Variants in PTPRT observed in about 807,000 individuals in gnomAD.
The protein encoded by PTPRT is receptor-type tyrosine-protein phosphatase T.
A neutral mutation model predicts 176.8 loss-of-function variants in PTPRT; 56 were observed. The ratio of observed to expected loss-of-function variants is 0.32; its 90% CI spans 0.26 to 0.40. The LOEUF (loss-of-function observed/expected upper bound fraction) is 0.40. PTPRT is among the 10% of genes least tolerant of loss of function. PTPRT has a pLI of 1.00. For missense variants in PTPRT, 1,540 were observed against 1,908.2 expected (o/e 0.81, Z 3.60); for synonymous variants, 783 against 739.0 (o/e 1.06, Z -0.96).
At chr20:42,939,737 A>G (rs1980425945) in intron 1 of PTPRT, among the ~76,000 whole-genome samples, 1 of 152,200 alleles carries the variant, frequency 6.6e-6, no homozygotes, top group Non-Finnish European at 1.5e-5. Flanking sequence ...GACACTAAAA[A>G]ATGAGTGAAT....
chr20:42,475,473 G>A (rs531351015), intron 7 of PTPRT, among the ~76,000 whole-genome samples: 2 of 152,334 alleles, frequency 1.3e-5, no homozygotes, highest in East Asian at 3.9e-4. Context: ...GAGAGGCACA[G>A]CCAAGATATG....
chr20:42,506,017 ACTTTCAGG>A (rs1214947992), intron 7 of PTPRT, among the ~76,000 whole-genome samples: 1 of 152,140 alleles, frequency 6.6e-6, no homozygotes, highest in Admixed American at 6.6e-5. Flanking sequence ...CAATAAAGTC[ACTTTCAGG>A]CAGAAAGATG....
At position 42,539,044 on chromosome 20, in the gene PTPRT, G is replaced by A. The variant is rs376934130; in HGVS notation, c.1154-66482C>T. On this transcript the variant is annotated intron_variant, in intron 7 of 30. Coordinates refer to ENST00000373187, the MANE Select transcript of PTPRT (RefSeq NM_007050.6). Reference sequence around the variant, plus strand: ...ATTTCACTAGCACTGTTGGACCACCGTGTGTACACCTACCAGTCTCTTCCA... The same window carrying A: ...ATTTCACTAGCACTGTTGGACCACCATGTGTACACCTACCAGTCTCTTCCA... Among the ~76,000 whole-genome samples the A allele has an allele frequency of 3.4e-3, 523 of 152,200 alleles. 19 individuals are homozygous for A. In the South Asian group the frequency reaches 0.095, roughly 28 times the overall value.
At chr20:42,462,755 G>A (rs775316526) in intron 8 of PTPRT, among the ~76,000 whole-genome samples, 1 of 152,126 alleles carries the variant, frequency 6.6e-6, no homozygotes, top group Non-Finnish European at 1.5e-5. Context: ...GAAATAAAAA[G>A]CTCTCTATGA....
chr20:42,477,673 C>T (rs557116419), intron 7 of PTPRT, among the ~76,000 whole-genome samples: 1 of 152,302 alleles, frequency 6.6e-6, no homozygotes, highest in South Asian at 2.1e-4. Context: ...AGCCTAGAGC[C>T]TATGGTTTCT....
chr20:42,229,103 T>A (rs1022858938), intron 15 of PTPRT, among the ~76,000 whole-genome samples: 1 of 152,144 alleles, frequency 6.6e-6, no homozygotes, highest in Non-Finnish European at 1.5e-5. Context: ...GGGATAAACA[T>A]TATGAAAGGG....
intron 6 of PTPRT, chr20:42,686,059 TG>T: frequency 6.6e-6 from 1 of 152,324 alleles, no homozygotes; most frequent in South Asian, 2.1e-4. Flanking sequence ...AGACCTCCAC[TG>T]TGAGTTTTGA....
chr20:42,554,805 T>C (rs2072831721), intron 7 of PTPRT, among the ~76,000 whole-genome samples: 1 of 152,132 alleles, frequency 6.6e-6, no homozygotes, highest in African/African-American at 2.4e-5. Context: ...AAATTAAAGA[T>C]ATATTGAATG....
rs550898722 is a variant in PTPRT, at chr20:42,487,206, G to A, written c.1154-14644C>T. 1.1e-4 allele frequency among the ~76,000 whole-genome samples: 16 copies of A among 152,320 alleles called. No homozygotes were observed. In the South Asian group the frequency reaches 3.3e-3, roughly 32 times the overall value. The stretch of plus-strand genomic sequence containing the variant: ...TATTATGGAATGTGTCTCTTGGAGA[G>A]AAGGGCAGAAGTCTAATAGAGAGAT... On this transcript the variant is annotated intron_variant, in intron 7 of 30. Transcript: ENST00000373187.
At chr20:42,786,152 G>C (rs941282913) in intron 3 of PTPRT, among the ~76,000 whole-genome samples, 1 of 152,128 alleles carries the variant, frequency 6.6e-6, no homozygotes, top group Admixed American at 6.5e-5. Context: ...TAAGTTTCCT[G>C]AGGCCTCCCC....
chr20:42,037,594 T>C, the PTPRT span, among the ~76,000 whole-genome samples: 3 of 152,146 alleles, frequency 2.0e-5, no homozygotes, highest in Admixed American at 6.5e-5. Context: ...ATTTCAGTAA[T>C]GACAGTCGTT....
intron 7 of PTPRT, among the ~76,000 whole-genome samples, chr20:42,552,547 C>A (rs540192438): frequency 6.6e-6 from 1 of 151,944 alleles, no homozygotes; most frequent in African/African-American, 2.4e-5. Context: ...ATTTTTTGCA[C>A]GAAAATGTTT....
intron 7 of PTPRT, among the ~76,000 whole-genome samples, chr20:42,591,339 C>T (rs6016838): frequency 1.3e-5 from 2 of 152,080 alleles, no homozygotes; most frequent in Non-Finnish European, 2.9e-5. Context: ...CAATGTCAAC[C>T]TGAAAAACTG....
At chr20:43,114,253 C>T (rs904776068) in intron 1 of PTPRT, among the ~76,000 whole-genome samples, 1 of 152,102 alleles carries the variant, frequency 6.6e-6, no homozygotes, top group African/African-American at 2.4e-5. Context: ...CCTATGCCAC[C>T]CCCAAGACTT....
At chr20:42,056,512 T>C in the PTPRT span, among the ~76,000 whole-genome samples, 1 of 152,166 alleles carries the variant, frequency 6.6e-6, no homozygotes, top group Admixed American at 6.5e-5. Flanking sequence ...AATATCTTCT[T>C]TATGCATATG....
chr20:43,039,617 T>C lies in PTPRT; in HGVS notation c.88+150029A>G, dbSNP rs577575125. On this transcript the variant is annotated intron_variant, in intron 1 of 30. Coordinates refer to ENST00000373187, the MANE Select transcript of PTPRT (RefSeq NM_007050.6). Reference sequence around the variant, plus strand: ...AATTTAAAAACAAATAAAAAACTTATTGTGACCAAAAATAAAAACCCAAAA... The same window carrying C: ...AATTTAAAAACAAATAAAAAACTTACTGTGACCAAAAATAAAAACCCAAAA... 3.5e-4 allele frequency among the ~76,000 whole-genome samples: 53 copies of C among 152,066 alleles called. 1 individual carries two copies. In the South Asian group the frequency reaches 7.9e-3, roughly 23 times the overall value.
At chr20:42,665,281 A>G (rs2075294624) in intron 7 of PTPRT, among the ~76,000 whole-genome samples, 1 of 152,224 alleles carries the variant, frequency 6.6e-6, no homozygotes, top group South Asian at 2.1e-4. Context: ...AAAAGTGGGC[A>G]AAGGATATGA....
chr20:42,298,503 C>T (rs2057418444), intron 12 of PTPRT, among the ~76,000 whole-genome samples: 3 of 152,304 alleles, frequency 2.0e-5, no homozygotes, highest in Non-Finnish European at 4.4e-5. Flanking sequence ...ACTCTGAAGA[C>T]GCACCTTCAA....
In PTPRT at chr20:43,189,621, A is replaced by AT; in HGVS notation, c.88+24_88+25insA. 8.1e-7 allele frequency: 1 copy of AT among 1,236,910 alleles called. No homozygotes were observed. The highest frequency in any genetic ancestry group is 3.1e-5 in the South Asian group (1 of 32,684). The allele number at this position is 1,236,910 out of a possible 1,614,324, so 76.6% of individuals were successfully genotyped here. ...GCATCCAGGAGGGAGCGGGGAGCCCAGGGGAGCCGGGCGGGCGCACTCACC... is the reference window on the plus strand; with the variant it reads ...GCATCCAGGAGGGAGCGGGGAGCCCATGGGGAGCCGGGCGGGCGCACTCACC... On this transcript the variant is annotated intron_variant, in intron 1 of 30. Transcript: ENST00000373187. This position sits in a 1 kb window ranked among gnomAD's most constrained non-coding sequence, Gnocchi z 5.0.
Sources: gnomAD v4.1 joint callset for allele counts (sites outside exome capture counted in the v4.1 genomes callset) on GRCh38, gnomAD v4.1.1 for gene constraint, Gnocchi (gnomAD v3.1) non-coding constraint, MANE v1.5 for transcripts, NCBI Gene and HGNC (gene_info 2026-07-23, HGNC 2026-07-21) for gene names.